Variants in KATNA1 observed in about 807,000 individuals in gnomAD.
KATNA1 encodes the protein katanin catalytic subunit A1.
A neutral mutation model predicts 62.6 loss-of-function variants in KATNA1; 42 were observed. The observed-to-expected ratio is 0.67, with a 90% CI of 0.52 to 0.87. KATNA1 has a LOEUF of 0.87. Ranked by LOEUF, KATNA1 falls within the 40% of genes least tolerant of loss-of-function variation. The pLI, the probability that KATNA1 is intolerant of heterozygous loss-of-function variation, is 0.00. For missense variants in KATNA1, 498 were observed against 612.5 expected (o/e 0.81, Z 1.97); for synonymous variants, 186 against 201.9 (o/e 0.92, Z 0.67).
intron 4 of KATNA1, among the ~76,000 whole-genome samples, chr6:149,607,509 G>A (rs1322956128): frequency 2.0e-5 from 3 of 152,114 alleles, no homozygotes; most frequent in African/African-American, 7.2e-5. Context: ...AGCTACTCAA[G>A]AGGCTGAGAG....
At chr6:149,601,519 AC>A in intron 7 of KATNA1, 74 bp downstream of exon 7, 1 of 1,340,470 alleles carries the variant, frequency 7.5e-7, no homozygotes, top group Non-Finnish European at 1.0e-6. Flanking sequence ...TATTCCATAT[AC>A]TGGAGATAGT....
At chr6:149,609,037 CAAATT>C (rs1778847589) in intron 4 of KATNA1, among the ~76,000 whole-genome samples, 1 of 152,156 alleles carries the variant, frequency 6.6e-6, no homozygotes, top group African/African-American at 2.4e-5. Flanking sequence ...ATGAAAATCT[CAAATT>C]AAATGTAAAG....
chr6:149,632,782 GGACC>G lies in KATNA1; in HGVS notation c.293_296del (p.Trp98SerfsTer76). On this transcript the variant is annotated frameshift_variant, in exon 3 of 11. Transcript: ENST00000367411. LOFTEE classifies it high-confidence loss of function. ...ACCTTCGTTCAACAGGTACAGGCAT[GGACC>G]AGACTTCTCCCTCAGAAGCTGGAAG... The G allele has an allele frequency of 6.2e-7, 1 of 1,612,948 alleles. No homozygotes were observed. Among genetic ancestry groups the G allele is most frequent in the Non-Finnish European group, 8.5e-7 (1 of 1,179,714 alleles).
intron 2 of KATNA1, among the ~76,000 whole-genome samples, chr6:149,634,755 T>C (rs1780003485): frequency 1.3e-5 from 2 of 152,192 alleles, no homozygotes; most frequent in Non-Finnish European, 2.9e-5. Flanking sequence ...TTAGATATTG[T>C]ATACAGGAAT....
chr6:149,623,688 A>G (rs1779497821), intron 3 of KATNA1, among the ~76,000 whole-genome samples: 1 of 152,172 alleles, frequency 6.6e-6, no homozygotes, highest in Non-Finnish European at 1.5e-5. Flanking sequence ...GAGTGAGCCA[A>G]GATCATGCCA....
intron 4 of KATNA1, among the ~76,000 whole-genome samples, chr6:149,616,834 G>T (rs1478130716): frequency 6.6e-6 from 1 of 152,096 alleles, no homozygotes; most frequent in African/African-American, 2.4e-5. Flanking sequence ...TAAAAGCAGG[G>T]TCTTGGAGAA....
Position 149,604,699 on chromosome 6 carries a change from C to G in KATNA1, c.585G>C (p.Leu195Phe). Residue 195 changes from leucine (L) to phenylalanine (F), a missense_variant, in exon 5 of 11, where the codon TTG (leucine) becomes TTC (phenylalanine). Leu to Phe is a conservative substitution (Grantham distance 22, BLOSUM62 0). Transcript: ENST00000367411. ...TGYDKDLVEA[L>F]ERDIISQNPN... ...GATTCTGGGAAATTATATCTCTTTC[C>G]AAAGCTTCTACTAAGTCTTTATCAT... 6.2e-7 allele frequency: 1 copy of G among 1,613,034 alleles called. No individual in the cohort carries two copies. Among genetic ancestry groups the G allele is most frequent in the Non-Finnish European group, 8.5e-7 (1 of 1,179,046 alleles).
intron 5 of KATNA1, among the ~76,000 whole-genome samples, chr6:149,603,639 G>A (rs1466730833): frequency 6.6e-6 from 1 of 152,092 alleles, no homozygotes; most frequent in African/African-American, 2.4e-5. Flanking sequence ...ACTCTTCAGG[G>A]TTATGTGTCA....
chr6:149,629,531 T>C (rs1326429756), intron 3 of KATNA1, among the ~76,000 whole-genome samples: 1 of 152,128 alleles, frequency 6.6e-6, no homozygotes, highest in Non-Finnish European at 1.5e-5. Context: ...AGCAGACTAA[T>C]ACAAGACCCA....
chr6:149,643,733 G>A (rs149134103), intron 1 of KATNA1, among the ~76,000 whole-genome samples: 89 of 151,304 alleles, frequency 5.9e-4, no homozygotes, highest in Middle Eastern at 3.4e-3. Context: ...AGCCCAGGCT[G>A]GAGTGCAGTG....
intron 4 of KATNA1, among the ~76,000 whole-genome samples, chr6:149,610,842 T>G (rs894562161): frequency 6.6e-6 from 1 of 151,218 alleles, no homozygotes; most frequent in Non-Finnish European, 1.5e-5. Flanking sequence ...GCGATAAGAG[T>G]GAGACTCCGC....
chr6:149,612,369 C>T (rs981688475), intron 4 of KATNA1, among the ~76,000 whole-genome samples: 3 of 151,990 alleles, frequency 2.0e-5, no homozygotes, highest in Non-Finnish European at 4.4e-5. Context: ...ATTAGCCAGG[C>T]GTGGTGGCAC....
chr6:149,630,490 G>T (rs1037749653), intron 3 of KATNA1, among the ~76,000 whole-genome samples: 1 of 152,138 alleles, frequency 6.6e-6, no homozygotes, highest in Admixed American at 6.5e-5. Flanking sequence ...TTAGCCGGGC[G>T]TGGTGGCACG....
chr6:149,640,617 G>A (rs923632406), intron 1 of KATNA1, among the ~76,000 whole-genome samples: 2 of 151,770 alleles, frequency 1.3e-5, no homozygotes, highest in South Asian at 2.1e-4. Flanking sequence ...GCGCAATCTC[G>A]GCTCACTGCA....
intron 3 of KATNA1, among the ~76,000 whole-genome samples, chr6:149,628,895 G>T (rs1445668650): frequency 6.6e-6 from 1 of 150,692 alleles, no homozygotes; most frequent in African/African-American, 2.4e-5. Context: ...AAAATAAAAA[G>T]AATATTAAAA....
intron 3 of KATNA1, among the ~76,000 whole-genome samples, chr6:149,625,446 T>C (rs1270290778): frequency 2.6e-5 from 4 of 152,014 alleles, no homozygotes; most frequent in African/African-American, 7.2e-5. Context: ...CTGGCCAACA[T>C]AGCAAAACTC....
intron 4 of KATNA1, among the ~76,000 whole-genome samples, chr6:149,610,284 A>G (rs1778899218): frequency 6.6e-6 from 1 of 151,400 alleles, no homozygotes; most frequent in East Asian, 1.9e-4. Flanking sequence ...CCTGGGCAAC[A>G]GAGATCCTAT....
chr6:149,611,410 T>C (rs1778947626), intron 4 of KATNA1, among the ~76,000 whole-genome samples: 1 of 133,098 alleles, frequency 7.5e-6, no homozygotes, highest in South Asian at 2.3e-4. Flanking sequence ...TGCAGTGAGC[T>C]GAGATGGCGC....
intron 3 of KATNA1, among the ~76,000 whole-genome samples, chr6:149,626,038 A>G (rs1010422935): frequency 1.3e-5 from 2 of 152,098 alleles, no homozygotes; most frequent in Non-Finnish European, 2.9e-5. Context: ...TGGGGGTTCA[A>G]TTTTGGATTC....
Sources: allele counts gnomAD v4.1 joint callset (sites outside exome capture counted in the v4.1 genomes callset), GRCh38; gene constraint gnomAD v4.1.1; transcripts MANE v1.5; gene names NCBI Gene and HGNC (gene_info 2026-07-23, HGNC 2026-07-21).